NAT1: variants seen among roughly 807,000 people sequenced by gnomAD.
NAT1 encodes the protein arylamine N-acetyltransferase 1.
For synonymous variants in NAT1, 144 were observed against 122.6 expected (o/e 1.17, Z -1.16); for missense variants, 400 against 339.2 (o/e 1.18, Z -1.41).
At chr8:18,211,610 G>C (rs1366661825) in intron 1 of NAT1, among the ~76,000 whole-genome samples, 1 of 152,152 alleles carries the variant, frequency 6.6e-6, no homozygotes, top group African/African-American at 2.4e-5. Context: ...GCCCCAGTCG[G>C]CATTAAATGG....
chr8:18,217,227 C>G (rs1215368164), intron 1 of NAT1, among the ~76,000 whole-genome samples: 3 of 152,172 alleles, frequency 2.0e-5, no homozygotes, highest in Non-Finnish European at 4.4e-5. Context: ...CAACAGCCTG[C>G]CAGTCCCCGA....
chr8:18,204,787 A>G (rs1205681339), intron 2 of NAT1, among the ~76,000 whole-genome samples: 1 of 152,244 alleles, frequency 6.6e-6, no homozygotes, highest in Non-Finnish European at 1.5e-5. Context: ...GTATAAAAAA[A>G]GTAAGATGTA....
intron 2 of NAT1, among the ~76,000 whole-genome samples, chr8:18,184,096 C>G (rs899772973): frequency 1.3e-4 from 20 of 152,160 alleles, no homozygotes; most frequent in African/African-American, 4.8e-4. Context: ...TTGATGAAGA[C>G]TCTCTGTGGT....
chr8:18,188,810 C>G (rs955308054), intron 2 of NAT1, among the ~76,000 whole-genome samples: 4 of 151,448 alleles, frequency 2.6e-5, no homozygotes, highest in African/African-American at 7.3e-5. Flanking sequence ...GCCTGGCCAA[C>G]ATGATGAAAC....
At chr8:18,215,293 T>C (rs577700010) in intron 1 of NAT1, among the ~76,000 whole-genome samples, 2 of 152,358 alleles carry the variant, frequency 1.3e-5, no homozygotes, top group Admixed American at 1.3e-4. Context: ...CATTCTCCAC[T>C]TCGGAAGCAC....
chr8:18,191,061 C>CA (rs71217304), intron 2 of NAT1, among the ~76,000 whole-genome samples: 45 of 144,722 alleles, frequency 3.1e-4, no homozygotes, highest in South Asian at 1.1e-3. Flanking sequence ...CAAGACTGTC[C>CA]AAAAAAAAAA....
rs28383675 is a variant in NAT1 at position 18,179,288 on chromosome 8, A to C, written n.92+8549A>C. On this transcript the variant is annotated intron_variant and non_coding_transcript_variant, in intron 2 of 4. Coordinates refer to the NAT1 transcript ENST00000517441. ...AATACTACATAATCATTCACTTGAT[A>C]ATAGCAGCAGATAAGGTGAAAAGGT... 2.6e-5 allele frequency among the ~76,000 whole-genome samples: 4 copies of C among 152,296 alleles called. No homozygotes were observed. In the South Asian group the frequency reaches 8.3e-4, roughly 32 times the overall value.
At chr8:18,200,137 T>A (rs1049028920) in intron 2 of NAT1, among the ~76,000 whole-genome samples, 6 of 152,232 alleles carry the variant, frequency 3.9e-5, no homozygotes, top group Non-Finnish European at 5.9e-5. Context: ...GCCTGGTGAT[T>A]GCTCAAACAA....
At chr8:18,215,133 C>T (rs1450231288) in intron 1 of NAT1, among the ~76,000 whole-genome samples, 1 of 152,180 alleles carries the variant, frequency 6.6e-6, no homozygotes, top group African/African-American at 2.4e-5. Flanking sequence ...ATTGTGAAGA[C>T]ATGATCTTGT....
At chr8:18,184,448 T>C (rs1338543848) in intron 2 of NAT1, among the ~76,000 whole-genome samples, 1 of 152,198 alleles carries the variant, frequency 6.6e-6, no homozygotes, top group Non-Finnish European at 1.5e-5. Flanking sequence ...ACCTCCAAAA[T>C]GCCTTTGGGA....
chr8:18,223,153 G>A lies in NAT1; in HGVS notation c.*233G>A, dbSNP rs1293399562. The A allele has an allele frequency of 1.6e-5, 3 of 188,006 alleles. No homozygotes were observed. The highest frequency in any genetic ancestry group is 3.6e-5 in the Non-Finnish European group (3 of 83,434). 11.6% of individuals were successfully genotyped at this position (188,006 alleles called of 1,614,324 possible). On this transcript the variant is annotated 3_prime_UTR_variant, in exon 3 of 3. Transcript: ENST00000307719. The stretch of plus-strand genomic sequence containing the variant: ...ATAATAAAAAATGTATTTTAAAGAT[G>A]GCCTGTGGTTATCTTGGAAATTGGT...
At chr8:18,173,334 T>G (rs887410340) in intron 2 of NAT1, among the ~76,000 whole-genome samples, 16 of 152,352 alleles carry the variant, frequency 1.1e-4, no homozygotes, top group African/African-American at 3.8e-4. Flanking sequence ...ATTTTCATTC[T>G]TGCCATCTGT....
intron 2 of NAT1, among the ~76,000 whole-genome samples, chr8:18,202,687 G>A (rs534186827): frequency 2.0e-5 from 3 of 152,126 alleles, no homozygotes; most frequent in South Asian, 4.2e-4. Flanking sequence ...TGGTGGGTTC[G>A]TGGTCTCGCT....
rs2106039 is a variant in NAT1, at chr8:18,180,680, A to G, written n.92+9941A>G. Among the ~76,000 whole-genome samples the G allele has an allele frequency of 1.1e-4, 16 of 152,338 alleles. 1 individual carries two copies. Among genetic ancestry groups the G allele is most frequent in the African/African-American group, 3.8e-4 (16 of 41,574 alleles). On this transcript the variant is annotated intron_variant and non_coding_transcript_variant, in intron 2 of 4. Coordinates refer to the NAT1 transcript ENST00000517441. The stretch of plus-strand genomic sequence containing the variant: ...TGAATGTTCTCACCATAAAGAAATA[A>G]TAAGTGCATGAGGTAATGGTAACAC...
intron 2 of NAT1, among the ~76,000 whole-genome samples, chr8:18,188,507 C>A (rs931402689): frequency 4.0e-5 from 6 of 151,642 alleles, no homozygotes; most frequent in African/African-American, 9.7e-5. Context: ...AAGTTTAAGT[C>A]AAAAAAAGTT....
intron 2 of NAT1, among the ~76,000 whole-genome samples, chr8:18,174,352 T>C (rs1263083784): frequency 6.6e-6 from 1 of 152,100 alleles, no homozygotes; most frequent in East Asian, 1.9e-4. Context: ...AACACATCAT[T>C]ATTTTAGCTT....
At chr8:18,193,699 T>C (rs1376854421) in intron 2 of NAT1, among the ~76,000 whole-genome samples, 2 of 124,720 alleles carry the variant, frequency 1.6e-5, no homozygotes, top group African/African-American at 6.0e-5. Flanking sequence ...TGGAGTGCAA[T>C]GGTACGATCT....
chr8:18,191,647 T>C (rs1223102581), intron 2 of NAT1, among the ~76,000 whole-genome samples: 2 of 152,032 alleles, frequency 1.3e-5, no homozygotes, highest in African/African-American at 4.8e-5. Context: ...AACAGAGATA[T>C]AGATCGATGG....
intron 1 of NAT1, among the ~76,000 whole-genome samples, chr8:18,218,940 A>G (rs1356836700): frequency 6.6e-6 from 1 of 152,178 alleles, no homozygotes; most frequent in Admixed American, 6.5e-5. Flanking sequence ...TCTTTTGAGT[A>G]GCATCATACA....
Sources: gnomAD v4.1 joint callset for allele counts (sites outside exome capture counted in the v4.1 genomes callset) on GRCh38, gnomAD v4.1.1 for gene constraint, MANE v1.5 for transcripts, NCBI Gene and HGNC (gene_info 2026-07-23, HGNC 2026-07-21) for gene names.